ARL6IP1: variants seen among roughly 807,000 people sequenced by gnomAD.
ARL6IP1 encodes the protein ADP-ribosylation factor-like protein 6-interacting protein 1.
Under a neutral mutation model 30.1 loss-of-function variants are expected in ARL6IP1, and 16 were observed. The observed-to-expected ratio is 0.53, with a 90% confidence interval of 0.36 to 0.81. The LOEUF is 0.81. Ranked by LOEUF, ARL6IP1 falls within the 30% of genes least tolerant of loss-of-function variation. ARL6IP1 has a pLI of 0.01. For missense variants in ARL6IP1, 173 were observed against 242.7 expected (o/e 0.71, Z 1.91); for synonymous variants, 72 against 84.8 (o/e 0.85, Z 0.83).
rs752026473 is a variant in ARL6IP1 at position 18,793,386 on chromosome 16, A to T, written c.494-16T>A. 1.3e-6 allele frequency: 2 copies of T among 1,486,196 alleles called. No homozygotes were observed. The highest frequency in any genetic ancestry group is 1.2e-5 in the South Asian group (1 of 82,642). The allele number at this position is 1,486,196 out of a possible 1,614,324, so 92.1% of individuals were successfully genotyped here. Reference sequence around the variant, plus strand: ...AAGGAAGTCACTTAAAATAAAAAAAAACCCAACATTAAGGAGGCAGCAATT... The same window carrying T: ...AAGGAAGTCACTTAAAATAAAAAAATACCCAACATTAAGGAGGCAGCAATT... On this transcript the variant is annotated splice_polypyrimidine_tract_variant and intron_variant, in intron 5 of 5. Transcript: ENST00000304414.
rs1249289727 is a variant in ARL6IP1, at chr16:18,798,019, C to G, written c.196G>C (p.Val66Leu). The stretch of plus-strand genomic sequence containing the variant: ...ACAAAACAGGAAACGCCGGACAGAA[C>G]AGATGGATCTAGATAGTAGATAATC... ...FLIIYYLDPS[V>L]LSGVSCFVMF... The change falls in exon 3 of 6, where the codon GTT becomes CTT. Residue 66 changes from valine to leucine, a missense_variant. Coordinates refer to ENST00000304414, the MANE Select transcript of ARL6IP1 (RefSeq NM_015161.3). 1 of 1,613,036 alleles carries G rather than the reference C, an allele frequency of 6.2e-7. No homozygotes were observed. The highest frequency in any genetic ancestry group is 1.7e-5 in the Admixed American group (1 of 59,804).
chr16:18,799,125 T>G (rs2030330683), intron 1 of ARL6IP1, among the ~76,000 whole-genome samples: 1 of 152,102 alleles, frequency 6.6e-6, no homozygotes, highest in African/African-American at 2.4e-5. Flanking sequence ...GTTCAAGCGA[T>G]TCTCCTACCT....
At chr16:18,798,538 C>A (rs958293679) in intron 2 of ARL6IP1, 163 bp downstream of exon 2, 12 of 765,074 alleles carry the variant, frequency 1.6e-5, no homozygotes, top group Non-Finnish European at 2.2e-5. Context: ...AGAAGTACTA[C>A]AAATTCTGGA....
chr16:18,800,593 T>C (rs549620479), intron 1 of ARL6IP1, among the ~76,000 whole-genome samples: 1 of 152,192 alleles, frequency 6.6e-6, no homozygotes, highest in African/African-American at 2.4e-5. Flanking sequence ...TTGGCCAGCG[T>C]CTGGGGTCTT....
At chr16:18,795,261 G>A (rs2030196278) in intron 4 of ARL6IP1, 1 of 430,914 alleles carries the variant, frequency 2.3e-6, no homozygotes. Context: ...GAAGAATTTT[G>A]TTTTATTAGA....
rs546565602 is a variant in ARL6IP1, at chr16:18,797,856, A to T, written c.290+69T>A. 17 of 1,558,540 alleles carry T rather than the reference A, an allele frequency of 1.1e-5. No individual in the cohort carries two copies. In the African/African-American group the frequency reaches 1.9e-4, roughly 18 times the overall value. On this transcript the variant is annotated intron_variant, in intron 3 of 5. Coordinates refer to ENST00000304414, the MANE Select transcript of ARL6IP1 (RefSeq NM_015161.3). ...ACAATTATCTCTGCTTATTTACAGC[A>T]TACTAATCACAGCCACCAAGTTCAG...
intron 2 of ARL6IP1, 102 bp downstream of exon 2, chr16:18,798,599 A>G: frequency 1.5e-6 from 2 of 1,294,368 alleles, no homozygotes; most frequent in Non-Finnish European, 2.1e-6. Flanking sequence ...TATGGGTTAT[A>G]TATTACAGAA....
At chr16:18,799,540 C>A (rs1014064744) in intron 1 of ARL6IP1, among the ~76,000 whole-genome samples, 8 of 152,124 alleles carry the variant, frequency 5.3e-5, no homozygotes, top group African/African-American at 1.9e-4. Flanking sequence ...TTGTTTATTT[C>A]AGATGGTTAG....
chr16:18,793,300 C>A lies in ARL6IP1; in HGVS notation c.564G>T (p.Lys188Asn). 1 of 1,613,456 alleles carries A rather than the reference C, an allele frequency of 6.2e-7. No homozygotes were observed. Among genetic ancestry groups the A allele is most frequent in the African/African-American group, 1.3e-5 (1 of 74,990 alleles). ...GIILKYIGMA[K>N]REINKLLKQK... ...GTTTGAGAAGTTTGTTTATCTCCCT[C>A]TTGGCCATTCCAATGTACTTCAAAA... Residue 188 changes from lysine to asparagine, a missense_variant, in exon 6 of 6, where the codon AAG becomes AAT. Coordinates refer to ENST00000304414, the MANE Select transcript of ARL6IP1 (RefSeq NM_015161.3).
At chr16:18,795,786 T>TGA (rs749868800) in intron 3 of ARL6IP1, among the ~76,000 whole-genome samples, 3 of 149,558 alleles carry the variant, frequency 2.0e-5, no homozygotes, top group South Asian at 4.2e-4. Context: ...ACTATGTGTG[T>TGA]GAGAGAGAGA....
At chr16:18,794,800 TTTA>T in intron 4 of ARL6IP1, 117 bp from the exon 5 acceptor site, 1 of 651,126 alleles carries the variant, frequency 1.5e-6, no homozygotes, top group Non-Finnish European at 2.5e-6. Context: ...TAATTTAGCT[TTTA>T]TTATCACTTT....
rs989145021 is a variant in ARL6IP1 at position 18,793,059 on chromosome 16, C to G, written c.*193G>C. The G allele has an allele frequency of 8.8e-6, 4 of 454,206 alleles. No homozygotes were observed. The highest frequency in any genetic ancestry group is 1.6e-5 in the Non-Finnish European group (4 of 254,876). The allele number at this position is 454,206 out of a possible 1,614,324, so 28.1% of individuals were successfully genotyped here. On this transcript the variant is annotated 3_prime_UTR_variant, in exon 6 of 6. Coordinates refer to ENST00000304414, the MANE Select transcript of ARL6IP1 (RefSeq NM_015161.3). Reference sequence around the variant, plus strand: ...TCCATGAAGCCAACTGCTAAGAACGCGCTCAACTATACGCGACATGAAGAC... The same window carrying G: ...TCCATGAAGCCAACTGCTAAGAACGGGCTCAACTATACGCGACATGAAGAC...
intron 1 of ARL6IP1, among the ~76,000 whole-genome samples, chr16:18,800,797 G>A (rs2030383568): frequency 6.6e-6 from 1 of 152,118 alleles, no homozygotes; most frequent in Non-Finnish European, 1.5e-5. Flanking sequence ...AGTTCCTTCG[G>A]ATCCCTGCTT....
intron 1 of ARL6IP1, among the ~76,000 whole-genome samples, chr16:18,800,478 G>T (rs1310965951): frequency 6.6e-6 from 1 of 152,176 alleles, no homozygotes; most frequent in Admixed American, 6.5e-5. Flanking sequence ...TCCACGCTGA[G>T]AACTAACTAT....
chr16:18,793,711 G>C (rs1013193153), intron 5 of ARL6IP1, among the ~76,000 whole-genome samples: 1 of 147,076 alleles, frequency 6.8e-6, no homozygotes, highest in South Asian at 2.2e-4. Context: ...GATTACGGGC[G>C]TGAGCCACCA....
At chr16:18,796,924 A>T (rs1180449546) in intron 3 of ARL6IP1, among the ~76,000 whole-genome samples, 2 of 152,254 alleles carry the variant, frequency 1.3e-5, no homozygotes, top group Non-Finnish European at 2.9e-5. Flanking sequence ...CAAATAAAAT[A>T]AACAGCCAAG....
intron 5 of ARL6IP1, among the ~76,000 whole-genome samples, chr16:18,793,772 C>T (rs1213016213): frequency 6.6e-6 from 1 of 152,104 alleles, no homozygotes; most frequent in Non-Finnish European, 1.5e-5. Flanking sequence ...TGCAATGGCA[C>T]AATCTCGGTT....
intron 1 of ARL6IP1, 103 bp downstream of exon 1, chr16:18,801,328 G>A (rs1484155750): frequency 4.6e-6 from 7 of 1,531,782 alleles, no homozygotes; most frequent in African/African-American, 3.2e-5. Flanking sequence ...GGGAGAGAAG[G>A]GCCGGGCCCG....
In ARL6IP1 at chr16:18,799,026, G is replaced by GT. The variant is rs372115567; in HGVS notation, c.37-193dup. On this transcript the variant is annotated intron_variant, in intron 1 of 5. Transcript: ENST00000304414. The stretch of plus-strand genomic sequence containing the variant: ...TACAATGGGTTTTTTTGTTTTTTGT[G>GT]TTTTTTTTTTTGAGACGGAGTCTCG... Among the ~76,000 whole-genome samples the GT allele has an allele frequency of 0.01, 1,524 of 146,846 alleles. 11 individuals are homozygous for GT. Among genetic ancestry groups the GT allele is most frequent in the African/African-American group, 0.024 (980 of 40,408 alleles).
Sources: gnomAD v4.1 joint callset for allele counts (sites outside exome capture counted in the v4.1 genomes callset) on GRCh38, gnomAD v4.1.1 for gene constraint, MANE v1.5 for transcripts, NCBI Gene and HGNC (gene_info 2026-07-23, HGNC 2026-07-21) for gene names.